ADAMTS3: variants seen among roughly 807,000 people sequenced by gnomAD.
ADAMTS3 encodes the protein ADAM metallopeptidase with thrombospondin type 1 motif 3.
A neutral mutation model predicts 129.0 loss-of-function variants in ADAMTS3; 73 were observed. That is an observed-to-expected ratio of 0.57 (90% CI 0.47 to 0.69). The LOEUF (loss-of-function observed/expected upper bound fraction) is 0.69, where lower values mean the gene tolerates loss of function less well. ADAMTS3 is among the 30% of genes least tolerant of loss of function. The pLI, the probability that ADAMTS3 is intolerant of heterozygous loss-of-function variation, is 0.00. For missense variants in ADAMTS3, 1,457 were observed against 1,514.5 expected (o/e 0.96, Z 0.63); for synonymous variants, 477 against 510.8 (o/e 0.93, Z 0.89).
intron 21 of ADAMTS3, among the ~76,000 whole-genome samples, chr4:72,285,163 C>A (rs192682169): frequency 6.6e-6 from 1 of 152,124 alleles, no homozygotes. Context: ...AGTCAGCTGG[C>A]GAAGCCAATA....
intron 3 of ADAMTS3, among the ~76,000 whole-genome samples, chr4:72,510,016 A>ATGAT (rs1260011609): frequency 6.6e-6 from 1 of 151,960 alleles, no homozygotes; most frequent in African/African-American, 2.4e-5. Context: ...TAAAAACCAT[A>ATGAT]TGATCATTTC....
intron 3 of ADAMTS3, among the ~76,000 whole-genome samples, chr4:72,495,464 G>C (rs770334879): frequency 1.7e-4 from 26 of 152,072 alleles, no homozygotes; most frequent in Non-Finnish European, 2.6e-4. Context: ...TTATTAATAA[G>C]CTTACATTTT....
intron 16 of ADAMTS3, among the ~76,000 whole-genome samples, chr4:72,304,729 G>A (rs1258450445): frequency 6.6e-6 from 1 of 151,892 alleles, no homozygotes; most frequent in African/African-American, 2.4e-5. Context: ...TAATGAATGG[G>A]ATTTTAAATT....
At chr4:72,318,789 T>G in intron 9 of ADAMTS3, 85 bp from the exon 10 acceptor site, 1 of 1,354,326 alleles carries the variant, frequency 7.4e-7, no homozygotes, top group Non-Finnish European at 1.0e-6. Flanking sequence ...TCTTAGCTTA[T>G]ATACTTTAGA....
chr4:72,446,594 G>A (rs1578686647), intron 3 of ADAMTS3, among the ~76,000 whole-genome samples: 1 of 151,586 alleles, frequency 6.6e-6, no homozygotes, highest in African/African-American at 2.4e-5. Context: ...AACCTACACA[G>A]GGGAAGGCTA....
intron 4 of ADAMTS3, among the ~76,000 whole-genome samples, chr4:72,389,119 T>C (rs1306892592): frequency 6.6e-6 from 1 of 152,154 alleles, no homozygotes; most frequent in Non-Finnish European, 1.5e-5. Flanking sequence ...GCCACCCTTA[T>C]CAGTTCTGGG....
At chr4:72,285,153 A>G (rs946574729) in intron 21 of ADAMTS3, among the ~76,000 whole-genome samples, 3 of 152,362 alleles carry the variant, frequency 2.0e-5, no homozygotes, top group African/African-American at 7.2e-5. Flanking sequence ...AAAAAGAGAG[A>G]GTCAGCTGGC....
At chr4:72,522,810 C>T (rs1720708427) in intron 3 of ADAMTS3, among the ~76,000 whole-genome samples, 1 of 151,914 alleles carries the variant, frequency 6.6e-6, no homozygotes. Context: ...AGGTTATAAC[C>T]TTATAAAAGT....
intron 4 of ADAMTS3, among the ~76,000 whole-genome samples, chr4:72,356,737 T>C (rs1048882363): frequency 6.6e-6 from 1 of 151,820 alleles, no homozygotes; most frequent in East Asian, 1.9e-4. Flanking sequence ...TTGCATTTTT[T>C]ATATTAGCAT....
chr4:72,305,409 T>C (rs1429113545), intron 16 of ADAMTS3, among the ~76,000 whole-genome samples: 1 of 152,070 alleles, frequency 6.6e-6, no homozygotes, highest in African/African-American at 2.4e-5. Context: ...ACGTACAGTA[T>C]TGGATCAATC....
chr4:72,283,504 C>T lies in ADAMTS3; in HGVS notation c.3250G>A (p.Val1084Met). 8 of 1,614,026 alleles carry T rather than the reference C, an allele frequency of 5.0e-6. No homozygotes were observed. The highest frequency in any genetic ancestry group is 4.5e-5 in the East Asian group (2 of 44,848). Residue 1084 changes from valine (V) to methionine (M), a missense_variant, in exon 22 of 22, where the codon GTG becomes ATG. Val to Met is a conservative substitution (Grantham distance 21, BLOSUM62 1). Coordinates refer to ENST00000286657, the MANE Select transcript of ADAMTS3 (RefSeq NM_014243.3). ...TAAGGAACCAAAGATGTAGGCATCA[C>T]TAGAGATCTAGGGAGGTCACTAGGG... is the stretch of plus-strand genomic sequence containing the variant. ...SNPSDLPRSL[V>M]MPTSLVPYHS...
In ADAMTS3 at chr4:72,539,537, G is replaced by A. The variant is rs58930729; in HGVS notation, c.504+8941C>T. 9.6e-3 allele frequency among the ~76,000 whole-genome samples: 1,222 copies of A among 127,590 alleles called. 24 individuals carry two copies. Among genetic ancestry groups the A allele is most frequent in the African/African-American group, 0.032 (1,139 of 35,376 alleles). 83.7% of individuals were successfully genotyped at this position (127,590 alleles called of 152,430 possible). On this transcript the variant is annotated intron_variant, in intron 3 of 21. Transcript: ENST00000286657. ...AACAGAAAATAACAAGTGTTCACAA[G>A]AATGTGGAAAAAAATCAAACTCTGT...
intron 3 of ADAMTS3, among the ~76,000 whole-genome samples, chr4:72,491,314 C>T (rs1422006157): frequency 6.6e-6 from 1 of 151,624 alleles, no homozygotes; most frequent in Non-Finnish European, 1.5e-5. Context: ...CCTAAATGCT[C>T]TAGCTAAAAC....
At chr4:72,528,488 T>G (rs1720872527) in intron 3 of ADAMTS3, among the ~76,000 whole-genome samples, 1 of 146,540 alleles carries the variant, frequency 6.8e-6, no homozygotes, top group African/African-American at 2.5e-5. Context: ...CATAAATATA[T>G]GCAATTGTTG....
rs567523335 is a variant in ADAMTS3 at position 72,371,305 on chromosome 4, T to TA, written c.662-31613dup. ...ATGATAACTGATTATATATTTGAAT[T>TA]AAAAAAAAGACTGTCATGCTGCATA... On this transcript the variant is annotated intron_variant, in intron 4 of 21. Transcript: ENST00000286657. 3.3e-5 allele frequency among the ~76,000 whole-genome samples: 5 copies of TA among 151,630 alleles called. No homozygotes were observed. The South Asian group carries it at 8.3e-4, about 25-fold the overall frequency.
At chr4:72,400,472 G>A (rs62651498) in intron 4 of ADAMTS3, among the ~76,000 whole-genome samples, 1,739 of 1,746 alleles carry the variant, frequency 1, 866 homozygotes, top group Non-Finnish European at 1. Context: ...GCATAGATAT[G>A]CACACGGTGT....
chr4:72,404,825 AACACACACACAC>A (rs146366382), intron 4 of ADAMTS3, among the ~76,000 whole-genome samples: 20 of 148,916 alleles, frequency 1.3e-4, no homozygotes, highest in Middle Eastern at 3.4e-3. Flanking sequence ...AAGCAAACAA[AACACACACACAC>A]ACACACACAC....
intron 15 of ADAMTS3, among the ~76,000 whole-genome samples, chr4:72,306,275 A>G (rs1719088735): frequency 6.6e-6 from 1 of 151,966 alleles, no homozygotes; most frequent in Non-Finnish European, 1.5e-5. Flanking sequence ...TTTTTATTAA[A>G]GAGGGAAAAA....
intron 3 of ADAMTS3, among the ~76,000 whole-genome samples, chr4:72,454,438 A>G (rs529743622): frequency 6.6e-6 from 1 of 151,746 alleles, no homozygotes; most frequent in Non-Finnish European, 1.5e-5. Flanking sequence ...AACTGCTGAA[A>G]AGTGGTTTGT....
Sources: gnomAD v4.1 joint callset for allele counts (sites outside exome capture counted in the v4.1 genomes callset) on GRCh38, gnomAD v4.1.1 for gene constraint, MANE v1.5 for transcripts, NCBI Gene and HGNC (gene_info 2026-07-23, HGNC 2026-07-21) for gene names.